The following SEMA3C variants were observed in gnomAD, a reference collection of about 807,000 sequenced individuals.
SEMA3C encodes semaphorin 3C, also known as semaphorin-3C.
Under a neutral mutation model 89.4 loss-of-function variants are expected in SEMA3C, and 47 were observed. That is an observed-to-expected ratio of 0.53 (90% confidence interval 0.42 to 0.67). The LOEUF (loss-of-function observed/expected upper bound fraction) is 0.67. Among genes scored for constraint, SEMA3C ranks in the 30% least tolerant of loss-of-function variants. The pLI, the probability that SEMA3C is intolerant of heterozygous loss-of-function variation, is 0.00. For synonymous variants in SEMA3C, 310 were observed against 320.2 expected, an observed-to-expected ratio of 0.97 and a Z score of 0.34; for missense variants, 839 against 929.1, an observed-to-expected ratio of 0.90 and a Z score of 1.26.
At chr7:80,786,510 T>C (rs376996850) in intron 12 of SEMA3C, among the ~76,000 whole-genome samples, 1 of 151,970 alleles carries the variant, frequency 6.6e-6, no homozygotes, top group East Asian at 1.9e-4. Flanking sequence ...TGAGACACTG[T>C]GGAGAGGTAA....
chr7:80,856,428 T>C (rs969727829), intron 2 of SEMA3C, among the ~76,000 whole-genome samples: 3 of 149,278 alleles, frequency 2.0e-5, no homozygotes, highest in African/African-American at 7.4e-5. Context: ...GAATGAAGAT[T>C]AGCACAAGCA....
chr7:80,770,715 A>G (rs1788411676), intron 12 of SEMA3C, among the ~76,000 whole-genome samples: 1 of 152,170 alleles, frequency 6.6e-6, no homozygotes, highest in African/African-American at 2.4e-5. Flanking sequence ...GGAGGCCCAC[A>G]TGATGTAAGC....
chr7:80,778,575 C>T (rs546094454), intron 12 of SEMA3C, among the ~76,000 whole-genome samples: 55 of 152,310 alleles, frequency 3.6e-4, no homozygotes, highest in African/African-American at 1.3e-3. Flanking sequence ...ATCTACATTT[C>T]TAGGTGCCTG....
At chr7:80,840,484 A>G (rs1790237234) in intron 2 of SEMA3C, among the ~76,000 whole-genome samples, 2 of 140,452 alleles carry the variant, frequency 1.4e-5, no homozygotes, top group South Asian at 4.5e-4. Context: ...GCACCACTGC[A>G]CTCCAGCCTA....
intron 2 of SEMA3C, among the ~76,000 whole-genome samples, chr7:80,854,285 C>T (rs1462914582): frequency 1.3e-5 from 2 of 152,156 alleles, no homozygotes; most frequent in Non-Finnish European, 2.9e-5. Flanking sequence ...TTAGATCAGA[C>T]TCCATATGAA....
intron 2 of SEMA3C, among the ~76,000 whole-genome samples, chr7:80,858,912 A>T (rs1300957881): frequency 6.6e-6 from 1 of 152,154 alleles, no homozygotes; most frequent in Non-Finnish European, 1.5e-5. Flanking sequence ...GTATCTTAAA[A>T]AGGATAAAGT....
At chr7:80,858,669 T>A (rs1176263593) in intron 2 of SEMA3C, among the ~76,000 whole-genome samples, 1 of 152,222 alleles carries the variant, frequency 6.6e-6, no homozygotes, top group African/African-American at 2.4e-5. Flanking sequence ...AGGCTATTTT[T>A]AAAATACCTA....
chr7:80,893,094 G>C (rs1791654243), intron 2 of SEMA3C, among the ~76,000 whole-genome samples: 1 of 152,140 alleles, frequency 6.6e-6, no homozygotes, highest in East Asian at 1.9e-4. Flanking sequence ...GAAGCCCAGA[G>C]TTTTTATTTA....
chr7:80,868,274 T>C (rs1021216123), intron 2 of SEMA3C, among the ~76,000 whole-genome samples: 14 of 152,264 alleles, frequency 9.2e-5, no homozygotes, highest in African/African-American at 3.1e-4. Flanking sequence ...TTTTTATTCA[T>C]TATTTTTTTC....
At chr7:80,813,619 T>A (rs763578031) in intron 5 of SEMA3C, among the ~76,000 whole-genome samples, 1 of 152,232 alleles carries the variant, frequency 6.6e-6, no homozygotes, top group East Asian at 1.9e-4. Flanking sequence ...ATTCTTTGGA[T>A]TTCATTGCTT....
chr7:80,916,849 A>T, intron 1 of SEMA3C, 30 bp from the exon 2 acceptor site: 1 of 1,586,386 alleles, frequency 6.3e-7, no homozygotes, highest in Non-Finnish European at 8.6e-7. Flanking sequence ...TGTTTGTTAT[A>T]TCTCATTTCA....
chr7:80,911,409 C>T (rs996888449), intron 2 of SEMA3C, among the ~76,000 whole-genome samples: 2 of 152,066 alleles, frequency 1.3e-5, no homozygotes, highest in African/African-American at 2.4e-5. Flanking sequence ...AACTTTGGTT[C>T]TAGATATATC....
intron 2 of SEMA3C, among the ~76,000 whole-genome samples, chr7:80,857,185 T>C (rs866992234): frequency 7.9e-5 from 12 of 152,190 alleles, no homozygotes; most frequent in South Asian, 2.1e-4. Flanking sequence ...TATATGTGTA[T>C]ATGTGTTCCT....
At chr7:80,794,105 G>A (rs1192059202) in intron 11 of SEMA3C, among the ~76,000 whole-genome samples, 1 of 151,436 alleles carries the variant, frequency 6.6e-6, no homozygotes, top group Non-Finnish European at 1.5e-5. Context: ...ACATATAAAA[G>A]CCCACTGCTC....
intron 6 of SEMA3C, among the ~76,000 whole-genome samples, chr7:80,809,351 C>G (rs1273094154): frequency 2.0e-5 from 3 of 152,036 alleles, no homozygotes; most frequent in Non-Finnish European, 4.4e-5. Flanking sequence ...GAAAAAACAC[C>G]CCTTTAACCA....
chr7:80,794,183 A>G (rs930236140), intron 11 of SEMA3C, among the ~76,000 whole-genome samples: 10 of 151,918 alleles, frequency 6.6e-5, no homozygotes, highest in African/African-American at 2.4e-4. Flanking sequence ...CTTGTAGTGT[A>G]TGCTGTACCC....
At chr7:80,813,974 C>T (rs17154489) in intron 5 of SEMA3C, among the ~76,000 whole-genome samples, 2,192 of 152,138 alleles carry the variant, frequency 0.014, 65 homozygotes, top group Admixed American at 0.069. Flanking sequence ...TTCTCAATGG[C>T]GCTTGGAATA....
At chr7:80,763,071 CAGTT>C (rs1444822621) in intron 13 of SEMA3C, among the ~76,000 whole-genome samples, 1 of 152,144 alleles carries the variant, frequency 6.6e-6, no homozygotes, top group Non-Finnish European at 1.5e-5. Flanking sequence ...AACCTATAAT[CAGTT>C]AGGCAGCTAC....
intron 11 of SEMA3C, among the ~76,000 whole-genome samples, chr7:80,795,188 A>G (rs1347244284): frequency 1.3e-5 from 2 of 152,158 alleles, no homozygotes; most frequent in Admixed American, 1.3e-4. Flanking sequence ...GCTACATGAG[A>G]CGATATTAAA....
Sources: allele counts gnomAD v4.1 joint callset (sites outside exome capture counted in the v4.1 genomes callset), GRCh38; gene constraint gnomAD v4.1.1; transcripts MANE v1.5; gene names NCBI Gene and HGNC (gene_info 2026-07-23, HGNC 2026-07-21).